Variants in NARS2 observed in about 807,000 individuals in gnomAD.
NARS2 encodes the protein asparaginyl-tRNA synthetase.
A neutral mutation model predicts 62.9 loss-of-function variants in NARS2; 60 were observed. The observed-to-expected ratio is 0.95, with a 90% CI of 0.77 to 1.18. NARS2 has a LOEUF of 1.18. Among genes scored for constraint, NARS2 ranks in the 50% most tolerant of loss-of-function variants. NARS2 has a pLI of 0.00. For missense variants in NARS2, 619 were observed against 576.4 expected (o/e 1.07, Z -0.76); for synonymous variants, 196 against 200.0 (o/e 0.98, Z 0.17).
At chr11:78,503,635 G>A (rs1043960162) in intron 6 of NARS2, among the ~76,000 whole-genome samples, 2 of 152,144 alleles carry the variant, frequency 1.3e-5, no homozygotes, top group African/African-American at 2.4e-5. Flanking sequence ...CACTTGCAGA[G>A]GCCTATATAC....
At chr11:78,551,199 T>C (rs560746232) in intron 5 of NARS2, among the ~76,000 whole-genome samples, 1 of 152,310 alleles carries the variant, frequency 6.6e-6, no homozygotes, top group Admixed American at 6.5e-5. Context: ...CAGTTGTGCA[T>C]AGCCTGAGGC....
chr11:78,571,560 C>A (rs1234259059), intron 1 of NARS2, 116 bp from the exon 2 acceptor site: 6 of 664,020 alleles, frequency 9.0e-6, no homozygotes, highest in Non-Finnish European at 1.6e-5. Context: ...CTCAACAAAT[C>A]AACTTCTTTT....
intron 6 of NARS2, among the ~76,000 whole-genome samples, chr11:78,518,871 A>C (rs1861010706): frequency 6.6e-6 from 1 of 152,224 alleles, no homozygotes; most frequent in Non-Finnish European, 1.5e-5. Flanking sequence ...GCAGAAAAAG[A>C]TAAAAATAAT....
chr11:78,517,163 A>T (rs945920334), intron 6 of NARS2, among the ~76,000 whole-genome samples: 3 of 152,242 alleles, frequency 2.0e-5, no homozygotes, highest in Admixed American at 1.3e-4. Context: ...GAGCTGAAGC[A>T]AAGGGACATG....
At chr11:78,463,731 A>AAC (rs1373597193) in intron 11 of NARS2, among the ~76,000 whole-genome samples, 4 of 150,382 alleles carry the variant, frequency 2.7e-5, no homozygotes, top group South Asian at 2.1e-4. Context: ...AAAAAAAAAA[A>AAC]AAAAAACCAC....
At chr11:78,509,836 A>AC (rs1476075965) in intron 6 of NARS2, among the ~76,000 whole-genome samples, 1 of 151,272 alleles carries the variant, frequency 6.6e-6, no homozygotes, top group Non-Finnish European at 1.5e-5. Flanking sequence ...CAAAAAAAAA[A>AC]AAAAAAGAAA....
chr11:78,509,398 G>T (rs990505736), intron 6 of NARS2, among the ~76,000 whole-genome samples: 1 of 151,938 alleles, frequency 6.6e-6, no homozygotes, highest in African/African-American at 2.4e-5. Context: ...AAGAAATAAA[G>T]ATCTTAATCA....
At chr11:78,441,230 A>G in intron 12 of NARS2, 113 bp from the exon 13 acceptor site, 1 of 904,818 alleles carries the variant, frequency 1.1e-6, no homozygotes, top group Non-Finnish European at 1.7e-6. Flanking sequence ...GTAGACGACA[A>G]AGCCTCTGCT....
In NARS2 at chr11:78,570,996, G is replaced by T. The variant is rs368750424; in HGVS notation, c.251+339C>A. Among the ~76,000 whole-genome samples the T allele has an allele frequency of 1.3e-4, 20 of 152,310 alleles. No individual in the cohort carries two copies. The East Asian group carries it at 3.7e-3, about 28-fold the overall frequency. Reference sequence around the variant, plus strand: ...GCCTAACTAAGCAGGAACTATGAAAGACAAGAGGAGAAGAGGCTGTATTGG... The same window carrying T: ...GCCTAACTAAGCAGGAACTATGAAATACAAGAGGAGAAGAGGCTGTATTGG... On this transcript the variant is annotated intron_variant, in intron 2 of 13. Transcript: ENST00000281038.
intron 5 of NARS2, among the ~76,000 whole-genome samples, chr11:78,540,966 C>T (rs2135460954): frequency 6.6e-6 from 1 of 152,284 alleles, no homozygotes; most frequent in South Asian, 2.1e-4. Context: ...CGAGACCAGC[C>T]TGGTCAACAT....
chr11:78,570,168 C>T (rs116897879), intron 2 of NARS2, among the ~76,000 whole-genome samples: 1 of 151,854 alleles, frequency 6.6e-6, no homozygotes, highest in African/African-American at 2.4e-5. Flanking sequence ...CCAGCCTGAG[C>T]GACAGAGTCA....
At chr11:78,524,842 A>T (rs1861240571) in intron 6 of NARS2, among the ~76,000 whole-genome samples, 1 of 152,092 alleles carries the variant, frequency 6.6e-6, no homozygotes, top group Non-Finnish European at 1.5e-5. Flanking sequence ...GGACTAGGGA[A>T]GGGAAAATAA....
intron 6 of NARS2, among the ~76,000 whole-genome samples, chr11:78,510,162 C>T (rs1860665937): frequency 1.3e-5 from 2 of 152,230 alleles, no homozygotes; most frequent in African/African-American, 4.8e-5. Context: ...ATGGATTAAA[C>T]TCTCCAGTCA....
chr11:78,550,976 CCATA>C (rs150772738), intron 5 of NARS2, among the ~76,000 whole-genome samples: 2,162 of 152,216 alleles, frequency 0.014, 54 homozygotes, highest in African/African-American at 0.05. Flanking sequence ...ACACAAAAGA[CCATA>C]CATTGTACGA....
At chr11:78,483,045 T>A (rs183612382) in intron 7 of NARS2, among the ~76,000 whole-genome samples, 1 of 152,092 alleles carries the variant, frequency 6.6e-6, no homozygotes, top group East Asian at 1.9e-4. Context: ...TCCACCACGA[T>A]CAAGTCAGCT....
chr11:78,477,059 G>A (rs1355029030), intron 9 of NARS2, among the ~76,000 whole-genome samples: 1 of 151,988 alleles, frequency 6.6e-6, no homozygotes, highest in Non-Finnish European at 1.5e-5. Context: ...TCACTGTCTG[G>A]GTAAATATTC....
chr11:78,522,418 C>A (rs922266859), intron 6 of NARS2, among the ~76,000 whole-genome samples: 1 of 152,148 alleles, frequency 6.6e-6, no homozygotes, highest in Non-Finnish European at 1.5e-5. Flanking sequence ...TCAGTACTTC[C>A]ATCCAATGAG....
intron 7 of NARS2, among the ~76,000 whole-genome samples, chr11:78,484,460 G>C (rs1222029093): frequency 6.6e-5 from 10 of 152,114 alleles, no homozygotes; most frequent in African/African-American, 2.4e-4. Flanking sequence ...GCAACCTACA[G>C]AATGGGAGAA....
chr11:78,485,384 C>T (rs563367492), intron 7 of NARS2, among the ~76,000 whole-genome samples: 1 of 151,756 alleles, frequency 6.6e-6, no homozygotes, highest in South Asian at 2.1e-4. Flanking sequence ...CACATGTATC[C>T]CAGAACTTAA....
Sources: allele counts gnomAD v4.1 joint callset (sites outside exome capture counted in the v4.1 genomes callset), GRCh38; gene constraint gnomAD v4.1.1; transcripts MANE v1.5; gene names NCBI Gene and HGNC (gene_info 2026-07-23, HGNC 2026-07-21).